The following SLC12A1 variants were observed in gnomAD, a reference collection of about 807,000 sequenced individuals.
The protein encoded by SLC12A1 is solute carrier family 12 member 1.
SLC12A1 carries 89 observed loss-of-function variants against 130.4 expected under a neutral mutation model. That is an observed-to-expected ratio of 0.68 (90% CI 0.58 to 0.81). The LOEUF (loss-of-function observed/expected upper bound fraction) is 0.81. Among genes scored for constraint, SLC12A1 ranks in the 40% least tolerant of loss-of-function variants. SLC12A1 has a pLI of 0.00. For synonymous variants in SLC12A1, 499 were observed against 460.0 expected (o/e 1.08, Z -1.09); for missense variants, 1,310 against 1,336.4 (o/e 0.98, Z 0.31).
chr15:48,251,818 T>A (rs1414811424), intron 15 of SLC12A1, 48 bp downstream of exon 15: 2 of 1,541,064 alleles, frequency 1.3e-6, no homozygotes, highest in East Asian at 2.3e-5. Context: ...TCTCTCTAAC[T>A]ACTCATTTAT....
At chr15:48,233,744 A>G (rs978025331) in intron 8 of SLC12A1, among the ~76,000 whole-genome samples, 1 of 152,014 alleles carries the variant, frequency 6.6e-6, no homozygotes, top group African/African-American at 2.4e-5. Flanking sequence ...TTTTCTTCAT[A>G]AAGACTTTCT....
At chr15:48,228,008 A>T (rs1451309379) in intron 5 of SLC12A1, 1 of 152,178 alleles carries the variant, frequency 6.6e-6, no homozygotes, top group Non-Finnish European at 1.5e-5. Context: ...CCCTGAGCCC[A>T]AAAGAGTTAC....
chr15:48,241,340 T>C (rs2041512981), intron 9 of SLC12A1, among the ~76,000 whole-genome samples, 175 bp from the exon 10 acceptor site: 1 of 152,232 alleles, frequency 6.6e-6, no homozygotes, highest in Admixed American at 6.5e-5. Flanking sequence ...TCTGCACACC[T>C]TGTCTTTGTC....
At chr15:48,281,784 A>G (rs902684741) in intron 20 of SLC12A1, among the ~76,000 whole-genome samples, 1 of 152,206 alleles carries the variant, frequency 6.6e-6, no homozygotes, top group African/African-American at 2.4e-5. Flanking sequence ...TGATGATAGA[A>G]AAAGTAATTT....
rs528868777 is a variant in SLC12A1 at position 48,286,644 on chromosome 15, C to T, written c.2629+1395C>T. 2.2e-4 allele frequency among the ~76,000 whole-genome samples: 33 copies of T among 152,300 alleles called. No homozygotes were observed. In the East Asian group the frequency reaches 4.6e-3, roughly 21 times the overall value. ...TATTTATTCTGGAAGCTTATTTCTGCGTCACAATACTTGTTTTGGCAAAAA... is the reference window on the plus strand; with the variant it reads ...TATTTATTCTGGAAGCTTATTTCTGTGTCACAATACTTGTTTTGGCAAAAA... On this transcript the variant is annotated intron_variant, in intron 21 of 26. Coordinates refer to ENST00000380993, the MANE Select transcript of SLC12A1 (RefSeq NM_000338.3).
intron 15 of SLC12A1, among the ~76,000 whole-genome samples, chr15:48,252,731 G>A (rs898813367): frequency 3.9e-5 from 6 of 152,064 alleles, no homozygotes; most frequent in African/African-American, 1.4e-4. Flanking sequence ...AGCAACTGGG[G>A]TTTGGTTAAT....
At chr15:48,206,765 T>C (rs2040987543) in intron 1 of SLC12A1, among the ~76,000 whole-genome samples, 1 of 152,196 alleles carries the variant, frequency 6.6e-6, no homozygotes. Flanking sequence ...AATGAGTCAG[T>C]AGAGCATGAT....
intron 24 of SLC12A1, among the ~76,000 whole-genome samples, chr15:48,292,926 T>G (rs189456650): frequency 7.9e-5 from 12 of 151,634 alleles, no homozygotes; most frequent in African/African-American, 2.2e-4. Context: ...TTTTGTGGGG[T>G]TTTTTTTGAG....
rs1555383559 is a variant in SLC12A1, at chr15:48,250,674, C to CACACACACACACACACACACACACACACA, written c.1787-941_1787-940insACACACACACACACACACACACACACACA. Among the ~76,000 whole-genome samples the CACACACACACACACACACACACACACACA allele has an allele frequency of 3.2e-4, 18 of 56,170 alleles. 1 individual carries two copies. The highest frequency in any genetic ancestry group is 2.3e-3 in the East Asian group (4 of 1,730). 36.8% of individuals were successfully genotyped at this position (56,170 alleles called of 152,430 possible). A position where few individuals can be genotyped will look rare whatever the true frequency, so the allele number is the denominator to read the frequency against. ...GATACACAAACCCAGAAAATGTCTG[C>CACACACACACACACACACACACACACACA]CTCACACACACACACACACACACAC... On this transcript the variant is annotated intron_variant, in intron 14 of 26. Transcript: ENST00000380993.
chr15:48,302,349 G>A (rs182729026), intron 26 of SLC12A1, among the ~76,000 whole-genome samples: 12 of 152,024 alleles, frequency 7.9e-5, no homozygotes, highest in Middle Eastern at 3.4e-3. Flanking sequence ...GGCCGGGCGC[G>A]GTGGCTCACG....
intron 4 of SLC12A1, chr15:48,225,076 T>C (rs2041266695): frequency 6.6e-6 from 1 of 152,202 alleles, no homozygotes; most frequent in African/African-American, 2.4e-5. Flanking sequence ...AAAAGCAATA[T>C]CATTGAGTGT....
intron 5 of SLC12A1, chr15:48,228,007 C>T (rs1461467459): frequency 6.6e-6 from 1 of 152,062 alleles, no homozygotes; most frequent in Non-Finnish European, 1.5e-5. Context: ...CCCCTGAGCC[C>T]AAAAGAGTTA....
chr15:48,240,436 C>T (rs1446064248), intron 9 of SLC12A1, among the ~76,000 whole-genome samples: 1 of 152,148 alleles, frequency 6.6e-6, no homozygotes, highest in Non-Finnish European at 1.5e-5. Flanking sequence ...TTAATGATCA[C>T]AGAGTGGTCC....
intron 7 of SLC12A1, 73 bp downstream of exon 7, chr15:48,230,576 C>T: frequency 1.1e-6 from 1 of 914,106 alleles, no homozygotes; most frequent in Non-Finnish European, 1.8e-6. Context: ...GTAGAGGGAA[C>T]TCCATATTCA....
Position 48,292,424 on chromosome 15 carries a change from AAAAAG to A in SLC12A1, c.2960+565_2960+569del, listed in dbSNP as rs528352698. ...AAATGTATTGGCTCCAAAATAAAAAAAAAAGAAAATGACAAAATAAAAGTAATCAT... is the reference window on the plus strand; with the variant it reads ...AAATGTATTGGCTCCAAAATAAAAAAAAAATGACAAAATAAAAGTAATCAT... On this transcript the variant is annotated intron_variant, in intron 24 of 26. Transcript: ENST00000380993. Among the ~76,000 whole-genome samples, 51 of 152,360 alleles carry A rather than the reference AAAAAG, an allele frequency of 3.3e-4. No homozygotes were observed. The East Asian group carries it at 8.1e-3, about 24-fold the overall frequency.
intron 26 of SLC12A1, 32 bp downstream of exon 26, chr15:48,301,414 A>G (rs1037724243): frequency 1.4e-6 from 2 of 1,458,614 alleles, no homozygotes; most frequent in Admixed American, 2.0e-5. Context: ...GAAGAACATT[A>G]GAAATAAATC....
At chr15:48,263,948 C>A (rs1267975824) in intron 17 of SLC12A1, among the ~76,000 whole-genome samples, 1 of 152,158 alleles carries the variant, frequency 6.6e-6, no homozygotes, top group African/African-American at 2.4e-5. Context: ...CCTCCTCGAC[C>A]TCCCAAAGTC....
At chr15:48,282,322 G>C (rs2042016405) in intron 20 of SLC12A1, among the ~76,000 whole-genome samples, 2 of 152,098 alleles carry the variant, frequency 1.3e-5, no homozygotes, top group South Asian at 4.1e-4. Context: ...CTCTGTTCTG[G>C]ATGGGCTGTG....
intron 16 of SLC12A1, among the ~76,000 whole-genome samples, chr15:48,256,524 C>T (rs1230006752): frequency 1.3e-5 from 2 of 152,160 alleles, no homozygotes; most frequent in Non-Finnish European, 2.9e-5. Flanking sequence ...GCTTAATGGA[C>T]TCACCATTCC....
Sources: gnomAD v4.1 joint callset for allele counts (sites outside exome capture counted in the v4.1 genomes callset) on GRCh38, gnomAD v4.1.1 for gene constraint, MANE v1.5 for transcripts, NCBI Gene and HGNC (gene_info 2026-07-23, HGNC 2026-07-21) for gene names.